Variants in WWTR1 observed in about 807,000 individuals in gnomAD.
WWTR1 encodes the protein WW domain containing transcription regulator 1.
Under a neutral mutation model 40.1 loss-of-function variants are expected in WWTR1, and 13 were observed. That is an observed-to-expected ratio of 0.32 (90% CI 0.21 to 0.52). The LOEUF is 0.52. Ranked by LOEUF, WWTR1 falls within the 20% of genes least tolerant of loss-of-function variation. WWTR1 has a pLI of 0.97. For missense variants in WWTR1, 436 were observed against 523.1 expected (o/e 0.83, Z 1.63); for synonymous variants, 230 against 210.1 (o/e 1.09, Z -0.82).
rs943741441 is a variant in WWTR1, at chr3:149,590,802, G to A, written c.432-17802C>T. Among the ~76,000 whole-genome samples the A allele has an allele frequency of 3.3e-5, 5 of 152,152 alleles. No individual in the cohort carries two copies. In the South Asian group the frequency reaches 6.2e-4, roughly 19 times the overall value. On this transcript the variant is annotated intron_variant, in intron 2 of 6. Transcript: ENST00000360632. ...GCCTTGTGAACCCAAAGAGGCTGACGTGCATAACTTGGGCCATTAGGAAGG... is the reference window on the plus strand; with the variant it reads ...GCCTTGTGAACCCAAAGAGGCTGACATGCATAACTTGGGCCATTAGGAAGG...
At chr3:149,585,587 A>T (rs1433594695) in intron 2 of WWTR1, among the ~76,000 whole-genome samples, 1 of 152,044 alleles carries the variant, frequency 6.6e-6, no homozygotes, top group Non-Finnish European at 1.5e-5. Flanking sequence ...TAATAATAGC[A>T]ACTCTCAGAT....
intron 2 of WWTR1, among the ~76,000 whole-genome samples, chr3:149,623,437 G>T (rs1186255645): frequency 1.3e-5 from 2 of 152,064 alleles, no homozygotes; most frequent in Non-Finnish European, 2.9e-5. Flanking sequence ...CAGTAAGAGG[G>T]GCTAGATGAA....
At chr3:149,576,106 T>C (rs779195264) in intron 2 of WWTR1, 17 of 456,470 alleles carry the variant, frequency 3.7e-5, no homozygotes, top group Non-Finnish European at 7.1e-5. Flanking sequence ...CCAAAACAAC[T>C]CTGAGAAGAA....
intron 2 of WWTR1, among the ~76,000 whole-genome samples, chr3:149,632,647 C>G (rs1252196954): frequency 6.6e-6 from 1 of 152,162 alleles, no homozygotes; most frequent in East Asian, 1.9e-4. Flanking sequence ...GTGGAGACAA[C>G]CCAAAAGTCC....
In WWTR1 at chr3:149,632,752, C is replaced by A. The variant is rs556377354; in HGVS notation, c.431+24124G>T. On this transcript the variant is annotated intron_variant, in intron 2 of 6. Coordinates refer to ENST00000360632, the MANE Select transcript of WWTR1 (RefSeq NM_015472.6). ...GATGAAGTTCTGATGTATGCTACAA[C>A]ATAGAGGAGCCTTGAAAACATTATG... Among the ~76,000 whole-genome samples, 16 of 152,334 alleles carry A rather than the reference C, an allele frequency of 1.1e-4. No homozygotes were observed. In the South Asian group the frequency reaches 3.3e-3, roughly 32 times the overall value.
At chr3:149,570,954 A>G (rs755811641) in intron 3 of WWTR1, among the ~76,000 whole-genome samples, 31 of 152,374 alleles carry the variant, frequency 2.0e-4, no homozygotes, top group Admixed American at 5.2e-4. Context: ...TCTACCAGAT[A>G]GGAGTTAGTT....
In WWTR1 at chr3:149,573,010, G is replaced by A; in HGVS notation, c.432-10C>T. The stretch of plus-strand genomic sequence containing the variant: ...GATTTTTTCTATGTGACTAAAAGAA[G>A]GAAAACAATTAATTATCTTTTTAAT... On this transcript the variant is annotated splice_polypyrimidine_tract_variant and intron_variant, in intron 2 of 6. Coordinates refer to ENST00000360632, the MANE Select transcript of WWTR1 (RefSeq NM_015472.6). 1.9e-6 allele frequency: 3 copies of A among 1,581,206 alleles called. No individual in the cohort carries two copies. Among genetic ancestry groups the A allele is most frequent in the South Asian group, 2.3e-5 (2 of 85,400 alleles).
At chr3:149,624,175 G>C (rs1386988879) in intron 2 of WWTR1, among the ~76,000 whole-genome samples, 1 of 151,714 alleles carries the variant, frequency 6.6e-6, no homozygotes, top group Non-Finnish European at 1.5e-5. Context: ...GAGGTCAAAT[G>C]AACAGATACT....
rs1392730786 is a variant in WWTR1 at position 149,521,102 on chromosome 3, TG to T, written c.1019-114del. 23 of 1,225,524 alleles carry T rather than the reference TG, an allele frequency of 1.9e-5. No homozygotes were observed. In the East Asian group the frequency reaches 5.4e-4, roughly 29 times the overall value. The allele number at this position is 1,225,524 out of a possible 1,614,324, so 75.9% of individuals were successfully genotyped here. A position where few individuals can be genotyped will look rare whatever the true frequency, so the allele number is the denominator to read the frequency against. On this transcript the variant is annotated intron_variant, in intron 6 of 6. Transcript: ENST00000360632. ...TTCATGTCTTCAACTACCACATTAT[TG>T]ACCCTTACTCATAAGAGGTACAGAG...
At chr3:149,558,520 A>G (rs571402409) in intron 3 of WWTR1, among the ~76,000 whole-genome samples, 2 of 152,328 alleles carry the variant, frequency 1.3e-5, no homozygotes, top group African/African-American at 4.8e-5. Flanking sequence ...CATTTGGCAC[A>G]AGCATGCTCT....
chr3:149,593,892 G>T (rs1560076275), intron 2 of WWTR1, among the ~76,000 whole-genome samples: 1 of 152,134 alleles, frequency 6.6e-6, no homozygotes, highest in East Asian at 1.9e-4. Flanking sequence ...TCTACTTCGT[G>T]CTTCCTTTTT....
chr3:149,558,341 T>G (rs1044602938), intron 3 of WWTR1, among the ~76,000 whole-genome samples: 1 of 152,186 alleles, frequency 6.6e-6, no homozygotes, highest in African/African-American at 2.4e-5. Flanking sequence ...ATGTGTCAAA[T>G]AAATAATGTT....
Position 149,663,702 on chromosome 3 carries a change from A to T in WWTR1, c.-4+6086T>A, listed in dbSNP as rs923051807. On this transcript the variant is annotated intron_variant, in intron 2 of 7. Transcript: ENST00000465804. ...CAGAGCGAGACTCCATCTTAAAAAA[A>T]AATTTTCTTATGAAACCGCTCCTAA... Among the ~76,000 whole-genome samples, 5 of 152,138 alleles carry T rather than the reference A, an allele frequency of 3.3e-5. 1 individual carries two copies. Among genetic ancestry groups the T allele is most frequent in the Admixed American group, 3.3e-4 (5 of 15,274 alleles).
chr3:149,541,758 A>G (rs1466881062), intron 4 of WWTR1, among the ~76,000 whole-genome samples: 5 of 151,892 alleles, frequency 3.3e-5, no homozygotes, highest in Non-Finnish European at 5.9e-5. Context: ...AATGAGTACC[A>G]CTACTCTGAG....
intron 2 of WWTR1, among the ~76,000 whole-genome samples, chr3:149,602,747 C>T (rs1020183725): frequency 3.3e-5 from 5 of 152,180 alleles, no homozygotes; most frequent in Admixed American, 2.6e-4. Context: ...TCACTGCAAC[C>T]TCTGCTGTCC....
intron 3 of WWTR1, among the ~76,000 whole-genome samples, chr3:149,561,369 A>G (rs1737070314): frequency 6.6e-6 from 1 of 152,222 alleles, no homozygotes; most frequent in Non-Finnish European, 1.5e-5. Flanking sequence ...TAGCTATCAG[A>G]ATAGTAAAGG....
chr3:149,642,631 C>T (rs1380240570), intron 2 of WWTR1, among the ~76,000 whole-genome samples: 1 of 151,950 alleles, frequency 6.6e-6, no homozygotes, highest in Non-Finnish European at 1.5e-5. Flanking sequence ...AAAAATTAGC[C>T]AGGCGTGGTT....
intron 2 of WWTR1, among the ~76,000 whole-genome samples, chr3:149,593,256 T>C (rs550796473): frequency 2.0e-5 from 3 of 152,342 alleles, no homozygotes; most frequent in African/African-American, 7.2e-5. Context: ...TTCAAAAGAC[T>C]TGCACATACA....
chr3:149,564,785 T>C (rs897790574), intron 3 of WWTR1, among the ~76,000 whole-genome samples: 1 of 152,202 alleles, frequency 6.6e-6, no homozygotes, highest in Admixed American at 6.5e-5. Flanking sequence ...AAAATAGAAG[T>C]ATAATTATAG....
Sources: gnomAD v4.1 joint callset for allele counts (sites outside exome capture counted in the v4.1 genomes callset) on GRCh38, gnomAD v4.1.1 for gene constraint, MANE v1.5 for transcripts, NCBI Gene and HGNC (gene_info 2026-07-23, HGNC 2026-07-21) for gene names.